Variants in HSD11B1 observed in about 807,000 individuals in gnomAD.
HSD11B1 encodes the protein hydroxysteroid 11-beta dehydrogenase 1.
HSD11B1 carries 15 observed loss-of-function variants against 22.1 expected under a neutral mutation model. The observed-to-expected ratio is 0.68, with a 90% CI of 0.45 to 1.04. HSD11B1 has a LOEUF of 1.04. Among genes scored for constraint, HSD11B1 ranks in the 50% least tolerant of loss-of-function variants. The pLI is 0.00. For synonymous variants in HSD11B1, 122 were observed against 125.2 expected, an observed-to-expected ratio of 0.97 and a Z score of 0.17; for missense variants, 281 against 357.6, an observed-to-expected ratio of 0.79 and a Z score of 1.73.
intron 4 of HSD11B1, among the ~76,000 whole-genome samples, chr1:209,710,278 G>A (rs1433096609): frequency 6.6e-6 from 1 of 152,168 alleles, no homozygotes; most frequent in Non-Finnish European, 1.5e-5. Context: ...CCTGGGCTTG[G>A]TGAATCCCAT....
chr1:209,712,505 G>A (rs1037182045), intron 4 of HSD11B1, among the ~76,000 whole-genome samples: 5 of 152,196 alleles, frequency 3.3e-5, no homozygotes, highest in Admixed American at 2.0e-4. Context: ...ACAGGAGGAT[G>A]TGCATAGGTA....
chr1:209,708,334 GCACTTCACAAACATTCTTATTGAAACTA>G (rs2076873612), intron 4 of HSD11B1, among the ~76,000 whole-genome samples: 3 of 152,202 alleles, frequency 2.0e-5, no homozygotes, highest in African/African-American at 7.2e-5. Context: ...AAACTGTTAA[GCACTTCACAAACATTCTTATTGAAACTA>G]ATAGCACCAT....
At chr1:209,707,193 G>A (rs2076865949) in intron 4 of HSD11B1, 65 bp downstream of exon 4, 4 of 1,318,026 alleles carry the variant, frequency 3.0e-6, no homozygotes, top group Non-Finnish European at 4.4e-6. Flanking sequence ...ATGATGCCAG[G>A]CTCTGAAGTA....
intron 4 of HSD11B1, among the ~76,000 whole-genome samples, chr1:209,724,935 C>T (rs1292477844): frequency 6.6e-6 from 1 of 152,042 alleles, no homozygotes; most frequent in Non-Finnish European, 1.5e-5. Context: ...TCCTTATCTG[C>T]AATTCCAAAA....
chr1:209,704,042 C>T (rs753044429), upstream of HSD11B1, among the ~76,000 whole-genome samples: 13 of 152,126 alleles, frequency 8.5e-5, no homozygotes, highest in Admixed American at 5.2e-4. Flanking sequence ...GTGGGCGTCC[C>T]CAGCTAGTTT....
At chr1:209,691,538 C>A (rs2076759576) in intron 1 of HSD11B1, among the ~76,000 whole-genome samples, 1 of 150,628 alleles carries the variant, frequency 6.6e-6, no homozygotes. Flanking sequence ...ATTAATTTGA[C>A]CTATTTATTT....
At position 209,707,112 on chromosome 1, in the gene HSD11B1, C is replaced by T. The variant is rs376494402; in HGVS notation, c.501C>T (p.Val167=). 1.6e-5 allele frequency: 26 copies of T among 1,613,762 alleles called. No individual in the cohort carries two copies. The South Asian group carries it at 1.8e-4, about 11-fold the overall frequency. ...AGCAGAGCAATGGAAGCATTGTTGTCGTCTCCTCTCTGGCTGGTAAGTGGG... is the reference window on the plus strand; with the variant it reads ...AGCAGAGCAATGGAAGCATTGTTGTTGTCTCCTCTCTGGCTGGTAAGTGGG... ...MLKQSNGSIV[V]VSSLAGKVAY... The change falls in exon 4 of 6, where the codon GTC becomes GTT. Residue 167 remains valine, a synonymous_variant. Coordinates refer to ENST00000367027, the MANE Select transcript of HSD11B1 (RefSeq NM_005525.4).
chr1:209,695,388 G>T lies in HSD11B1; in HGVS notation c.-49+9103G>T, dbSNP rs1409859251. Among the ~76,000 whole-genome samples the T allele has an allele frequency of 2.6e-5, 4 of 152,172 alleles. No homozygotes were observed. The East Asian group carries it at 5.8e-4, about 22-fold the overall frequency. ...TGATTAATGGAATATGGAGAGGGAG[G>T]AATAAAGAACTCCTAAGTTTCTGGA... On this transcript the variant is annotated intron_variant, in intron 1 of 6. Transcript: ENST00000261465.
rs1489058152 is a variant in HSD11B1, at chr1:209,706,505, A to T, written c.220-204A>T. Among the ~76,000 whole-genome samples the T allele has an allele frequency of 1.3e-5, 2 of 152,172 alleles. No individual in the cohort carries two copies. The stretch of plus-strand genomic sequence containing the variant: ...GCACTGGGATGATTTATCCATTTGA[A>T]CCCCACCAAGTTCCAGAAAATATTT... On this transcript the variant is annotated intron_variant, in intron 2 of 5. Coordinates refer to ENST00000367027, the MANE Select transcript of HSD11B1 (RefSeq NM_005525.4). The surrounding 1 kb of genome is among the most constrained non-coding windows in gnomAD (Gnocchi z 4.0).
chr1:209,723,448 C>T (rs2076980809), intron 4 of HSD11B1, among the ~76,000 whole-genome samples: 1 of 150,810 alleles, frequency 6.6e-6, no homozygotes, highest in African/African-American at 2.4e-5. Flanking sequence ...TTCTTTCCTC[C>T]CCCTGCCTGT....
At chr1:209,705,163 T>C in intron 1 of HSD11B1, 133 bp downstream of exon 1, 1 of 758,568 alleles carries the variant, frequency 1.3e-6, no homozygotes, top group Middle Eastern at 2.3e-4. Flanking sequence ...GTTAAGATGG[T>C]ATTTTTGTGT....
chr1:209,704,506 C>T (rs2076844047), upstream of HSD11B1, among the ~76,000 whole-genome samples: 1 of 152,074 alleles, frequency 6.6e-6, no homozygotes, highest in Non-Finnish European at 1.5e-5. Context: ...GCTCTCTTTG[C>T]TATTACTCAC....
Position 209,734,525 on chromosome 1 carries a change from C to T in HSD11B1, c.*4C>T, listed in dbSNP as rs968060321. 1.9e-6 allele frequency: 3 copies of T among 1,604,136 alleles called. No individual in the cohort carries two copies. The highest frequency in any genetic ancestry group is 1.7e-4 in the Middle Eastern group (1 of 5,878). On this transcript the variant is annotated 3_prime_UTR_variant, in exon 6 of 6. Coordinates refer to ENST00000367027, the MANE Select transcript of HSD11B1 (RefSeq NM_005525.4). ...GGACAGATTCATAAACAAGTAGGAA[C>T]TCCCTGAGGGCTGGGCATGCTGAGG...
upstream of HSD11B1, among the ~76,000 whole-genome samples, chr1:209,703,913 C>T (rs116488113): frequency 1.1e-3 from 170 of 152,258 alleles, 1 homozygote; most frequent in Middle Eastern, 3.4e-3. Context: ...TTAATGAATT[C>T]GTGCTACGGA....
Position 209,704,887 on chromosome 1 carries a change from C to A in HSD11B1, c.-56C>A. 1.5e-6 allele frequency: 2 copies of A among 1,339,926 alleles called. No homozygotes were observed. The highest frequency in any genetic ancestry group is 1.2e-5 in the South Asian group (1 of 85,510). The allele number at this position is 1,339,926 out of a possible 1,614,324, so 83.0% of individuals were successfully genotyped here. On this transcript the variant is annotated 5_prime_UTR_variant, in exon 1 of 6. Transcript: ENST00000367027. Reference sequence around the variant, plus strand: ...TGCCTGCTTAGGAGGTTGTAGAAAGCTCTGTAGGTTCTCTCTGTGTGTCCT... The same window carrying A: ...TGCCTGCTTAGGAGGTTGTAGAAAGATCTGTAGGTTCTCTCTGTGTGTCCT...
At chr1:209,727,269 G>C (rs771483638) in intron 4 of HSD11B1, among the ~76,000 whole-genome samples, 3 of 152,148 alleles carry the variant, frequency 2.0e-5, no homozygotes, top group Non-Finnish European at 4.4e-5. Flanking sequence ...TATAGGTTTT[G>C]GGGGGAGCAT....
At chr1:209,697,774 C>T (rs960872583) in intron 1 of HSD11B1, among the ~76,000 whole-genome samples, 3 of 151,482 alleles carry the variant, frequency 2.0e-5, no homozygotes, top group African/African-American at 4.9e-5. Context: ...GACCATTTCT[C>T]AGGTTCTTAA....
intron 4 of HSD11B1, among the ~76,000 whole-genome samples, chr1:209,713,233 T>A (rs12138452): frequency 0.2 from 29,794 of 152,104 alleles, 2,964 homozygotes; most frequent in East Asian, 0.22. Context: ...TACTATATAT[T>A]TATATTTATA....
intron 1 of HSD11B1, 79 bp downstream of exon 1, chr1:209,705,109 T>A: frequency 9.0e-7 from 1 of 1,108,600 alleles, no homozygotes; most frequent in East Asian, 2.4e-5. Flanking sequence ...AGGACCAAGA[T>A]GTGTTCTTGA....
Sources: gnomAD v4.1 joint callset for allele counts (sites outside exome capture counted in the v4.1 genomes callset) on GRCh38, gnomAD v4.1.1 for gene constraint, Gnocchi (gnomAD v3.1) non-coding constraint, MANE v1.5 for transcripts, NCBI Gene and HGNC (gene_info 2026-07-23, HGNC 2026-07-21) for gene names.